CNGB3: variants seen among roughly 807,000 people sequenced by gnomAD.
CNGB3 encodes cyclic nucleotide-gated channel beta-3.
Under a neutral mutation model 92.8 loss-of-function variants are expected in CNGB3, and 86 were observed. That is an observed-to-expected ratio of 0.93 (90% confidence interval 0.78 to 1.11). The LOEUF (loss-of-function observed/expected upper bound fraction) is 1.11. Among genes scored for constraint, CNGB3 ranks in the 50% least tolerant of loss-of-function variants. The pLI, the probability that CNGB3 is intolerant of heterozygous loss-of-function variation, is 0.00. For synonymous variants in CNGB3, 333 were observed against 332.7 expected, an observed-to-expected ratio of 1.00 and a Z score of -0.01; for missense variants, 1,026 against 956.8, an observed-to-expected ratio of 1.07 and a Z score of -0.95.
rs773643974 is a variant in CNGB3, at chr8:86,739,707, G to C, written c.159C>G (p.Leu53=). 6.4e-7 allele frequency: 1 copy of C among 1,569,890 alleles called. No homozygotes were observed. Among genetic ancestry groups the C allele is most frequent in the East Asian group, 2.4e-5 (1 of 41,770 alleles). ...ACGTGACTGGAGTTGACTTGGTTTT[G>C]AGAGATTTCTCTTCACCTTTGTTTT... ...QEENKGEEKS[L]KTKSTPVTSE... The change falls in exon 2 of 18, where the codon CTC becomes CTG. Residue 53 remains leucine (L), a synonymous_variant. Transcript: ENST00000320005.
At chr8:86,646,055 C>T (rs1475173703) in intron 8 of CNGB3, among the ~76,000 whole-genome samples, 1 of 150,966 alleles carries the variant, frequency 6.6e-6, no homozygotes, top group Non-Finnish European at 1.5e-5. Context: ...TTTTAGGTTA[C>T]AGAGATGGGG....
At position 86,726,586 on chromosome 8, in the gene CNGB3, TTGGTTC is replaced by T; in HGVS notation, c.277_282del (p.Glu93_Pro94del). On this transcript the variant is annotated inframe_deletion, in exon 3 of 18. Coordinates refer to ENST00000320005, the MANE Select transcript of CNGB3 (RefSeq NM_019098.5). ...TCCTTCTGCTCTGGCACTGTTCCAG[TTGGTTC>T]TGCTGCATTTTGAGGGTCAGGGTTT... The T allele has an allele frequency of 1.2e-6, 2 of 1,613,902 alleles. No individual in the cohort carries two copies. The highest frequency in any genetic ancestry group is 1.7e-6 in the Non-Finnish European group (2 of 1,179,816).
At chr8:86,683,019 C>T (rs1240291878) in intron 3 of CNGB3, among the ~76,000 whole-genome samples, 1 of 152,098 alleles carries the variant, frequency 6.6e-6, no homozygotes, top group Non-Finnish European at 1.5e-5. Context: ...AATTCTTGGG[C>T]AGATTCTTCT....
At chr8:86,683,082 A>C (rs924266499) in intron 3 of CNGB3, among the ~76,000 whole-genome samples, 1 of 152,194 alleles carries the variant, frequency 6.6e-6, no homozygotes, top group African/African-American at 2.4e-5. Flanking sequence ...CCTTGACTGG[A>C]AAATATTTAC....
intron 6 of CNGB3, among the ~76,000 whole-genome samples, chr8:86,662,521 C>G (rs945807185): frequency 6.6e-6 from 1 of 152,168 alleles, no homozygotes; most frequent in Non-Finnish European, 1.5e-5. Flanking sequence ...TTTCTATATG[C>G]CAGACCCTGA....
At chr8:86,603,991 C>A in intron 15 of CNGB3, 102 bp downstream of exon 15, 2 of 804,766 alleles carry the variant, frequency 2.5e-6, no homozygotes, top group South Asian at 2.8e-5. Context: ...TCAGCACAAT[C>A]AAACCTTTGA....
chr8:86,625,533 A>C (rs985639360), intron 13 of CNGB3, among the ~76,000 whole-genome samples: 1 of 152,180 alleles, frequency 6.6e-6, no homozygotes, highest in African/African-American at 2.4e-5. Flanking sequence ...TCTAAATTAA[A>C]ATTTGGCCAT....
chr8:86,632,484 A>C (rs1231465776), intron 11 of CNGB3, among the ~76,000 whole-genome samples: 2 of 152,190 alleles, frequency 1.3e-5, no homozygotes, highest in Non-Finnish European at 2.9e-5. Context: ...ATTAGGGTCC[A>C]AGTAAAAAGT....
chr8:86,711,907 C>T (rs1331655646), intron 3 of CNGB3, among the ~76,000 whole-genome samples: 4 of 150,760 alleles, frequency 2.7e-5, no homozygotes, highest in African/African-American at 9.7e-5. Flanking sequence ...TATATATGTA[C>T]TATGAGTAAT....
At chr8:86,583,774 G>A (rs147517954) in intron 15 of CNGB3, among the ~76,000 whole-genome samples, 213 of 152,010 alleles carry the variant, frequency 1.4e-3, no homozygotes, top group African/African-American at 5.1e-3. Context: ...ACAAAAGTTA[G>A]CTGGGCATCG....
At chr8:86,739,043 T>G (rs1218390926) in intron 2 of CNGB3, among the ~76,000 whole-genome samples, 1 of 152,110 alleles carries the variant, frequency 6.6e-6, no homozygotes. Flanking sequence ...AGGAATTTAG[T>G]TTTAGACATG....
intron 10 of CNGB3, among the ~76,000 whole-genome samples, chr8:86,634,099 A>G (rs1209806107): frequency 1.3e-5 from 2 of 152,226 alleles, no homozygotes; most frequent in African/African-American, 4.8e-5. Context: ...GATAAGGATT[A>G]GTAAAGAACA....
chr8:86,731,108 T>C (rs1008027102), intron 2 of CNGB3, among the ~76,000 whole-genome samples: 2 of 152,120 alleles, frequency 1.3e-5, no homozygotes, highest in Non-Finnish European at 2.9e-5. Flanking sequence ...GAAAAGAAAA[T>C]AGATTTATTT....
In CNGB3 at chr8:86,622,770, G is replaced by A. The variant is rs146758331; in HGVS notation, c.1578+3213C>T. Among the ~76,000 whole-genome samples the A allele has an allele frequency of 5.9e-5, 9 of 152,264 alleles. No individual in the cohort carries two copies. The East Asian group carries it at 9.6e-4, about 16-fold the overall frequency. ...GAATTTTACTTTTATGCTTGTTGAC[G>A]TTAATCTTGTTGGCTTTGCTTGTTG... On this transcript the variant is annotated intron_variant, in intron 13 of 17. Transcript: ENST00000320005.
chr8:86,607,662 T>C (rs1229323074), intron 14 of CNGB3, among the ~76,000 whole-genome samples: 1 of 152,116 alleles, frequency 6.6e-6, no homozygotes, highest in Non-Finnish European at 1.5e-5. Context: ...AAATTGGTGC[T>C]TTAACAAGAG....
At chr8:86,715,354 C>T (rs1047731195) in intron 3 of CNGB3, among the ~76,000 whole-genome samples, 9 of 152,130 alleles carry the variant, frequency 5.9e-5, no homozygotes, top group South Asian at 2.1e-4. Context: ...GACCTGAAGA[C>T]GGATCACATC....
At chr8:86,727,021 C>A (rs946215406) in intron 2 of CNGB3, among the ~76,000 whole-genome samples, 3 of 152,138 alleles carry the variant, frequency 2.0e-5, no homozygotes, top group African/African-American at 7.2e-5. Flanking sequence ...GGATCCTAGG[C>A]TACAAACCTG....
At chr8:86,666,167 G>A (rs114944250) in intron 6 of CNGB3, among the ~76,000 whole-genome samples, 6 of 152,228 alleles carry the variant, frequency 3.9e-5, no homozygotes, top group Non-Finnish European at 5.9e-5. Flanking sequence ...TGAAGTGAAC[G>A]GTAGACTGTA....
intron 3 of CNGB3, among the ~76,000 whole-genome samples, chr8:86,702,039 C>A (rs373569257): frequency 6.6e-6 from 1 of 152,054 alleles, no homozygotes; most frequent in South Asian, 2.1e-4. Context: ...GCCCTGTATT[C>A]TTTTTGTAAA....
Sources: allele counts gnomAD v4.1 joint callset (sites outside exome capture counted in the v4.1 genomes callset), GRCh38; gene constraint gnomAD v4.1.1; transcripts MANE v1.5; gene names NCBI Gene and HGNC (gene_info 2026-07-23, HGNC 2026-07-21).